CPNE5: variants seen among roughly 807,000 people sequenced by gnomAD.
CPNE5 encodes the protein copine-5.
CPNE5 carries 42 observed loss-of-function variants against 81.1 expected under a neutral mutation model. The ratio of observed to expected loss-of-function variants is 0.52; its 90% CI spans 0.40 to 0.67. The LOEUF is 0.67. Among genes scored for constraint, CPNE5 ranks in the 30% least tolerant of loss-of-function variants. CPNE5 has a pLI of 0.00. For synonymous variants in CPNE5, 313 were observed against 321.5 expected, an observed-to-expected ratio of 0.97 and a Z score of 0.28; for missense variants, 612 against 815.5, an observed-to-expected ratio of 0.75 and a Z score of 3.04.
chr6:36,766,090 G>T lies in CPNE5; in HGVS notation c.738-714C>A, dbSNP rs1037833470. On this transcript the variant is annotated intron_variant, in intron 10 of 20. Transcript: ENST00000244751. The surrounding 1 kb of genome is among the most constrained non-coding windows in gnomAD (Gnocchi z 4.2). The stretch of plus-strand genomic sequence containing the variant: ...AGGTGGAGGGTTGCGGTTAACCCTT[G>T]GTGCCAGCTGCTCGATCCTCCAGGG... Among the ~76,000 whole-genome samples, 2 of 152,166 alleles carry T rather than the reference G, an allele frequency of 1.3e-5. No individual in the cohort carries two copies. Among genetic ancestry groups the T allele is most frequent in the Non-Finnish European group, 2.9e-5 (2 of 68,012 alleles).
intron 12 of CPNE5, among the ~76,000 whole-genome samples, chr6:36,762,085 C>G (rs1582780881): frequency 1.3e-5 from 2 of 151,966 alleles, no homozygotes; most frequent in East Asian, 3.9e-4. Context: ...GATCCTGTCT[C>G]TACAAGAAAT....
chr6:36,839,477 T>C, upstream of CPNE5: 1 of 1,004,614 alleles, frequency 1.0e-6, no homozygotes, highest in Non-Finnish European at 1.4e-6. The surrounding 1 kb of genome is among the most constrained non-coding windows in gnomAD (Gnocchi z 7.3). Flanking sequence ...CTCCAGAGCC[T>C]GGGCTGGGCG....
intron 16 of CPNE5, 138 bp from the exon 17 acceptor site, chr6:36,745,653 G>T: frequency 1.1e-6 from 1 of 941,982 alleles, no homozygotes; most frequent in South Asian, 1.7e-5. Flanking sequence ...GGCGGGGCAG[G>T]GGAGGGAGCT....
chr6:36,768,821 G>A (rs1472723349), intron 10 of CPNE5, among the ~76,000 whole-genome samples: 1 of 152,210 alleles, frequency 6.6e-6, no homozygotes, highest in Non-Finnish European at 1.5e-5. Context: ...AAAGACCTTC[G>A]GCTGTGGGGT....
At chr6:36,770,838 C>A (rs1405627314) in intron 10 of CPNE5, among the ~76,000 whole-genome samples, 1 of 152,196 alleles carries the variant, frequency 6.6e-6, no homozygotes, top group African/African-American at 2.4e-5. Context: ...CAAACATAAT[C>A]TTTATAACTT....
intron 3 of CPNE5, among the ~76,000 whole-genome samples, chr6:36,820,637 T>C (rs1033701446): frequency 1.3e-5 from 2 of 152,008 alleles, no homozygotes; most frequent in South Asian, 2.1e-4. Flanking sequence ...AGCTGACACA[T>C]GACAAACAAG....
intron 8 of CPNE5, among the ~76,000 whole-genome samples, chr6:36,782,816 AACACACACACACACACACACAC>A (rs3997726): frequency 1.4e-4 from 18 of 126,230 alleles, no homozygotes; most frequent in East Asian, 9.6e-4. Flanking sequence ...CAAAAACCAA[AACACACACACACACACACACAC>A]ACACACACAC....
chr6:36,791,790 G>A (rs1211606651), intron 8 of CPNE5, among the ~76,000 whole-genome samples: 2 of 152,146 alleles, frequency 1.3e-5, no homozygotes, highest in African/African-American at 4.8e-5. Flanking sequence ...GCTAGGGGAC[G>A]GGGCTCAGCT....
chr6:36,742,789 G>A, intron 20 of CPNE5: 3 of 985,432 alleles, frequency 3.0e-6, no homozygotes, highest in Non-Finnish European at 3.6e-6. Context: ...CTCTGAGTAG[G>A]TGCTTCCGAA....
At chr6:36,776,557 G>A (rs1447424834) in intron 9 of CPNE5, among the ~76,000 whole-genome samples, 5 of 152,134 alleles carry the variant, frequency 3.3e-5, no homozygotes, top group African/African-American at 9.7e-5. Flanking sequence ...ACAACAAGGA[G>A]TAGGGAATGG....
intron 10 of CPNE5, among the ~76,000 whole-genome samples, chr6:36,767,722 G>A (rs984602456): frequency 6.6e-6 from 1 of 152,220 alleles, no homozygotes; most frequent in Non-Finnish European, 1.5e-5. Flanking sequence ...AAAATCACTG[G>A]GGAAAATTTT....
chr6:36,744,207 G>T, intron 19 of CPNE5, 61 bp downstream of exon 19: 1 of 1,315,056 alleles, frequency 7.6e-7, no homozygotes, highest in Non-Finnish European at 1.1e-6. Flanking sequence ...AAACATCTGG[G>T]GTGGGGGCAG....
chr6:36,800,059 G>A lies in CPNE5; in HGVS notation c.195C>T (p.Thr65=), dbSNP rs140080245. 29 of 1,612,374 alleles carry A rather than the reference G, an allele frequency of 1.8e-5. No homozygotes were observed. Among genetic ancestry groups the A allele is most frequent in the Admixed American group, 3.3e-5 (2 of 59,888 alleles). ...ENKQWREFGR[T]EVIDNTLNPD... ...GATTGAGCGTGTTGTCGATGACTTC[G>A]GTGCGCCCAAACTGCAAGAGAAGAT... Residue 65 remains threonine, a synonymous_variant, in exon 4 of 21, where the codon ACC becomes ACT. Transcript: ENST00000244751.
At chr6:36,837,579 T>G (rs1231632318) in intron 1 of CPNE5, among the ~76,000 whole-genome samples, 1 of 152,176 alleles carries the variant, frequency 6.6e-6, no homozygotes, top group Non-Finnish European at 1.5e-5. Context: ...TGAGTGACCC[T>G]GTGGCCCAGG....
chr6:36,816,946 T>C (rs980643995), intron 3 of CPNE5, among the ~76,000 whole-genome samples: 1 of 152,200 alleles, frequency 6.6e-6, no homozygotes, highest in Non-Finnish European at 1.5e-5. Flanking sequence ...GCCTGTCTAA[T>C]TTTTAGATTT....
At chr6:36,745,329 G>A in intron 17 of CPNE5, 59 bp downstream of exon 17, 1 of 1,566,466 alleles carries the variant, frequency 6.4e-7, no homozygotes, top group Non-Finnish European at 8.7e-7. Context: ...CCCAGAGGCA[G>A]AGCTGGTGTG....
At chr6:36,770,650 C>A (rs745779447) in intron 10 of CPNE5, among the ~76,000 whole-genome samples, 1 of 152,042 alleles carries the variant, frequency 6.6e-6, no homozygotes, top group Non-Finnish European at 1.5e-5. Context: ...TCTGGCATCA[C>A]CCACAGGGCC....
At chr6:36,825,137 C>T (rs1260986624) in intron 1 of CPNE5, among the ~76,000 whole-genome samples, 1 of 152,116 alleles carries the variant, frequency 6.6e-6, no homozygotes, top group Non-Finnish European at 1.5e-5. Flanking sequence ...CACCAAAGCC[C>T]TCGGCAGTGA....
intron 10 of CPNE5, among the ~76,000 whole-genome samples, chr6:36,769,290 G>A (rs1336081076): frequency 5.3e-5 from 8 of 152,310 alleles, no homozygotes; most frequent in Middle Eastern, 3.4e-3. Context: ...GTGGCTCTCC[G>A]TGAGTCACAC....
Sources: gnomAD v4.1 joint callset for allele counts (sites outside exome capture counted in the v4.1 genomes callset) on GRCh38, gnomAD v4.1.1 for gene constraint, Gnocchi (gnomAD v3.1) non-coding constraint, MANE v1.5 for transcripts, NCBI Gene and HGNC (gene_info 2026-07-23, HGNC 2026-07-21) for gene names.